Variants in LRP1B observed in about 807,000 individuals in gnomAD.
LRP1B encodes the protein low-density lipoprotein receptor-related protein 1B.
A neutral mutation model predicts 556.6 loss-of-function variants in LRP1B; 217 were observed. The ratio of observed to expected loss-of-function variants is 0.39; its 90% confidence interval spans 0.35 to 0.44. The LOEUF (loss-of-function observed/expected upper bound fraction) is 0.44, where lower values mean the gene tolerates loss of function less well. Among genes scored for constraint, LRP1B ranks in the 20% least tolerant of loss-of-function variants. The pLI is 1.00. For missense variants in LRP1B, 5,053 were observed against 5,620.8 expected, an observed-to-expected ratio of 0.90 and a Z score of 3.23; for synonymous variants, 2,047 against 1,865.8, an observed-to-expected ratio of 1.10 and a Z score of -2.50.
chr2:141,157,006 A>C (rs1033778969), intron 7 of LRP1B, among the ~76,000 whole-genome samples: 3 of 152,156 alleles, frequency 2.0e-5, no homozygotes, highest in Non-Finnish European at 4.4e-5. Flanking sequence ...TACCCTTCAG[A>C]GATATCTGCA....
rs2105189391 is a variant in LRP1B, at chr2:140,598,778, C to G, written c.7047G>C (p.Leu2349=). ...EQHPSIMRST[L]TGKNAQVVVS... ...CCACCACTTGAGCATTTTTCCCAGT[C>G]AGAGTAGATCTCATGATACTTGGAT... The change falls in exon 43 of 91, where the codon CTG becomes CTC. Residue 2349 remains leucine, a synonymous_variant. Coordinates refer to ENST00000389484, the MANE Select transcript of LRP1B (RefSeq NM_018557.3). The G allele has an allele frequency of 6.2e-7, 1 of 1,612,386 alleles. No individual in the cohort carries two copies. The highest frequency in any genetic ancestry group is 1.1e-5 in the South Asian group (1 of 91,044).
At chr2:141,062,514 T>C (rs890661838) in intron 7 of LRP1B, among the ~76,000 whole-genome samples, 42 of 151,770 alleles carry the variant, frequency 2.8e-4, no homozygotes, top group African/African-American at 9.9e-4. Flanking sequence ...TGAATGATTA[T>C]AGTGGGTTTA....
At chr2:141,381,037 A>C (rs940406155) in intron 3 of LRP1B, among the ~76,000 whole-genome samples, 2 of 152,116 alleles carry the variant, frequency 1.3e-5, no homozygotes, top group African/African-American at 4.8e-5. Context: ...TGAAGAAAAC[A>C]TATGAATATG....
intron 3 of LRP1B, among the ~76,000 whole-genome samples, chr2:141,308,498 T>C (rs930922294): frequency 4.6e-5 from 7 of 152,192 alleles, no homozygotes; most frequent in Non-Finnish European, 1.0e-4. Flanking sequence ...GCATTTATCT[T>C]TGTCAACATC....
intron 77 of LRP1B, among the ~76,000 whole-genome samples, chr2:140,345,369 C>A (rs564951630): frequency 2.0e-5 from 3 of 151,658 alleles, no homozygotes; most frequent in Admixed American, 6.6e-5. Context: ...AAATTATGAC[C>A]CTGATCTCTT....
chr2:141,816,484 C>T (rs1250881873), intron 1 of LRP1B, among the ~76,000 whole-genome samples: 4 of 152,128 alleles, frequency 2.6e-5, no homozygotes. Context: ...GGCTTTTGGA[C>T]TTACACCAGT....
chr2:140,381,208 T>C (rs951216193), intron 67 of LRP1B, among the ~76,000 whole-genome samples: 1 of 152,128 alleles, frequency 6.6e-6, no homozygotes, highest in African/African-American at 2.4e-5. Flanking sequence ...TTATTGCTTA[T>C]CTTAACTTTG....
At position 141,223,871 on chromosome 2, in the gene LRP1B, C is replaced by T. The variant is rs551153886; in HGVS notation, c.850+5312G>A. 2.6e-5 allele frequency among the ~76,000 whole-genome samples: 4 copies of T among 152,206 alleles called. No homozygotes were observed. In the East Asian group the frequency reaches 7.7e-4, roughly 29 times the overall value. On this transcript the variant is annotated intron_variant, in intron 6 of 90. Coordinates refer to ENST00000389484, the MANE Select transcript of LRP1B (RefSeq NM_018557.3). ...CTGGACTCCTTCCTTACACCTTATA[C>T]AAAAATTAACTCAAGATGGATTAAA...
intron 24 of LRP1B, 77 bp downstream of exon 24, chr2:140,886,061 T>C (rs1234858046): frequency 6.9e-6 from 6 of 871,606 alleles, no homozygotes; most frequent in Non-Finnish European, 1.0e-5. Context: ...TCAAAATTTC[T>C]TCTAGTTATA....
chr2:140,847,874 A>AT (rs1692323252), intron 29 of LRP1B, among the ~76,000 whole-genome samples: 2 of 152,232 alleles, frequency 1.3e-5, no homozygotes, highest in South Asian at 4.1e-4. Context: ...GTGAGAAAAC[A>AT]TTTTTGCTCA....
chr2:140,506,533 C>T lies in LRP1B; in HGVS notation c.8521+263G>A, dbSNP rs113998132. Among the ~76,000 whole-genome samples, 670 of 152,180 alleles carry T rather than the reference C, an allele frequency of 4.4e-3. 6 individuals carry two copies. Among genetic ancestry groups the T allele is most frequent in the African/African-American group, 0.016 (647 of 41,522 alleles). On this transcript the variant is annotated intron_variant, in intron 53 of 90. Transcript: ENST00000389484. ...TGCTAGGACTACAGGCATGAGCCAC[C>T]GCACCCAGCCCAAAGACATTTTTAT... is the stretch of plus-strand genomic sequence containing the variant.
At chr2:142,083,937 T>C (rs1705814225) in intron 1 of LRP1B, among the ~76,000 whole-genome samples, 2 of 152,072 alleles carry the variant, frequency 1.3e-5, no homozygotes, top group Admixed American at 1.3e-4. Context: ...TTCTGTGCTA[T>C]ATTTTATATT....
chr2:140,571,959 T>C (rs2105108208), intron 43 of LRP1B, among the ~76,000 whole-genome samples: 1 of 151,892 alleles, frequency 6.6e-6, no homozygotes, highest in Non-Finnish European at 1.5e-5. Context: ...TGAATGAAAC[T>C]AGAACCTTGT....
intron 23 of LRP1B, chr2:140,898,535 G>A: frequency 3.4e-6 from 1 of 290,602 alleles, no homozygotes; most frequent in Admixed American, 4.3e-5. Context: ...ACACTAATGA[G>A]CAATCCCAGG....
chr2:141,061,173 G>A (rs1699324236), intron 8 of LRP1B, among the ~76,000 whole-genome samples: 2 of 151,610 alleles, frequency 1.3e-5, no homozygotes, highest in South Asian at 2.1e-4. Context: ...ACATTGAACA[G>A]GTTCCCCCAC....
rs563402956 is a variant in LRP1B at position 141,625,618 on chromosome 2, A to G, written c.206-145085T>C. On this transcript the variant is annotated intron_variant, in intron 2 of 90. Transcript: ENST00000389484. ...CAGGCATAGTACGTGATCGACTTAGAGCTCAGTGCATATATGCTACATAAG... is the reference window on the plus strand; with the variant it reads ...CAGGCATAGTACGTGATCGACTTAGGGCTCAGTGCATATATGCTACATAAG... 3.3e-5 allele frequency among the ~76,000 whole-genome samples: 5 copies of G among 152,288 alleles called. No homozygotes were observed. In the South Asian group the frequency reaches 1.0e-3, roughly 32 times the overall value.
chr2:140,427,324 G>A (rs1415169698), intron 66 of LRP1B, among the ~76,000 whole-genome samples: 2 of 152,010 alleles, frequency 1.3e-5, no homozygotes, highest in Non-Finnish European at 2.9e-5. Flanking sequence ...TGCAGCCCAG[G>A]GCTGCTCCCC....
chr2:141,045,000 G>A (rs902173786), intron 11 of LRP1B, among the ~76,000 whole-genome samples: 1 of 151,632 alleles, frequency 6.6e-6, no homozygotes, highest in African/African-American at 2.4e-5. Flanking sequence ...ATTCATGATA[G>A]CAAAGACTTG....
chr2:141,911,225 C>A (rs1699899965), intron 1 of LRP1B, among the ~76,000 whole-genome samples: 1 of 152,140 alleles, frequency 6.6e-6, no homozygotes, highest in Non-Finnish European at 1.5e-5. Flanking sequence ...ACAAGAGTGA[C>A]CTCAAACCGG....
Sources: allele counts gnomAD v4.1 joint callset (sites outside exome capture counted in the v4.1 genomes callset), GRCh38; gene constraint gnomAD v4.1.1; transcripts MANE v1.5; gene names NCBI Gene and HGNC (gene_info 2026-07-23, HGNC 2026-07-21).